The following EMSY variants were observed in gnomAD, a reference collection of about 807,000 sequenced individuals.
EMSY encodes BRCA2-interacting transcriptional repressor EMSY.
In EMSY, 26 loss-of-function variants were observed where a neutral mutation model predicts 134.6. That is an observed-to-expected ratio of 0.19 (90% CI 0.14 to 0.27). The LOEUF (loss-of-function observed/expected upper bound fraction) is 0.27, where lower values mean the gene tolerates loss of function less well. Ranked by LOEUF, EMSY falls within the 10% of genes least tolerant of loss-of-function variation. EMSY has a pLI of 1.00. For missense variants in EMSY, 1,305 were observed against 1,611.4 expected, an observed-to-expected ratio of 0.81 and a Z score of 3.26; for synonymous variants, 579 against 577.8, an observed-to-expected ratio of 1.00 and a Z score of -0.03.
intron 19 of EMSY, 62 bp downstream of exon 20, chr11:76,544,884 A>C: frequency 2.0e-6 from 3 of 1,514,780 alleles, no homozygotes; most frequent in Non-Finnish European, 2.7e-6. Flanking sequence ...AAAAATGAGA[A>C]CATCACGACC....
intron 8 of EMSY, among the ~76,000 whole-genome samples, chr11:76,494,033 TG>T (rs1411877300): frequency 6.6e-6 from 1 of 152,254 alleles, no homozygotes; most frequent in Non-Finnish European, 1.5e-5. Context: ...CTCGTTCAGA[TG>T]CGGATGCCCG....
intron 9 of EMSY, among the ~76,000 whole-genome samples, chr11:76,505,156 C>A (rs560389541): frequency 6.6e-6 from 1 of 152,242 alleles, no homozygotes; most frequent in South Asian, 2.1e-4. Flanking sequence ...TCATTGAATG[C>A]TTAGTCAATT....
At chr11:76,534,810 C>T (rs1951169105) in intron 14 of EMSY, among the ~76,000 whole-genome samples, 1 of 151,932 alleles carries the variant, frequency 6.6e-6, no homozygotes, top group African/African-American at 2.4e-5. Flanking sequence ...TTGATGTTTC[C>T]CCCATTATAA....
At chr11:76,453,378 A>G (rs777145197) in exon 4 of EMSY, 6 of 1,612,708 alleles carry the variant, frequency 3.7e-6, no homozygotes, top group East Asian at 4.5e-5. Context: ...GTTAACAACA[A>G]TTGCACATAA....
intron 7 of EMSY, among the ~76,000 whole-genome samples, chr11:76,464,480 T>C (rs570262806): frequency 3.9e-5 from 6 of 152,246 alleles, no homozygotes; most frequent in African/African-American, 1.4e-4. Flanking sequence ...AAAGGAAGGA[T>C]ATAATTAAGT....
In EMSY at chr11:76,481,677, T is replaced by C. The variant is rs372772943; in HGVS notation, c.1108+8837T>C. ...CCACTGCAGCTCATCAAAGCTGCTG[T>C]AGCCAGACTGCCTCTCTAGATTCCT... On this transcript the variant is annotated intron_variant, in intron 8 of 20. Coordinates refer to ENST00000334736, the Ensembl canonical transcript of EMSY. 3.9e-5 allele frequency among the ~76,000 whole-genome samples: 6 copies of C among 152,332 alleles called. No individual in the cohort carries two copies. The East Asian group carries it at 7.7e-4, about 20-fold the overall frequency.
chr11:76,546,304 A>C lies in EMSY; in HGVS notation c.3774+7A>C. On this transcript the variant is annotated splice_region_variant and intron_variant, in intron 20 of 20. Transcript: ENST00000334736. ...AGCAGAAATTATCATCCAGGTAAGA[A>C]TTGGAAGGAAAATGAGAAATCTTGT... The C allele has an allele frequency of 6.3e-7, 1 of 1,598,590 alleles. No homozygotes were observed. The highest frequency in any genetic ancestry group is 8.5e-7 in the Non-Finnish European group (1 of 1,172,858).
intron 14 of EMSY, among the ~76,000 whole-genome samples, chr11:76,530,589 A>G (rs1951005327): frequency 6.6e-6 from 1 of 152,216 alleles, no homozygotes; most frequent in Non-Finnish European, 1.5e-5. Flanking sequence ...GCACCAACCT[A>G]ATACATCTTT....
intron 15 of EMSY, 57 bp downstream of exon 16, chr11:76,536,116 C>T: frequency 8.7e-7 from 1 of 1,144,482 alleles, no homozygotes. Flanking sequence ...ACGGGTTGTG[C>T]TAAAATACTA....
At chr11:76,518,683 G>A (rs1206814732) in intron 11 of EMSY, among the ~76,000 whole-genome samples, 10 of 64,412 alleles carry the variant, frequency 1.6e-4, no homozygotes, top group African/African-American at 4.2e-4. Context: ...GTGTGTGCGC[G>A]CATATATATA....
At chr11:76,552,585 TAA>T (rs1951862136), downstream of EMSY, 1 of 152,214 alleles carries the variant, frequency 6.6e-6, no homozygotes, top group Admixed American at 6.5e-5. Flanking sequence ...TAAACTTTAA[TAA>T]GTGCCTAGTA....
intron 9 of EMSY, among the ~76,000 whole-genome samples, chr11:76,509,445 A>G (rs1950195657): frequency 6.6e-6 from 1 of 152,232 alleles, no homozygotes; most frequent in Admixed American, 6.5e-5. Context: ...GTGAACCAAG[A>G]TTGCACCACT....
At chr11:76,521,778 A>AC (rs1479760463) in intron 11 of EMSY, among the ~76,000 whole-genome samples, 1 of 151,740 alleles carries the variant, frequency 6.6e-6, no homozygotes, top group African/African-American at 2.4e-5. Context: ...AAAAAAAAAA[A>AC]AAAAAGTCCA....
exon 7 of EMSY, chr11:76,463,852 C>T: frequency 4.3e-6 from 7 of 1,614,140 alleles, no homozygotes; most frequent in Middle Eastern, 1.6e-4. Context: ...ATGAAAAACC[C>T]AGAAAACGAA....
intron 11 of EMSY, 72 bp from the exon 13 acceptor site, chr11:76,523,083 A>G (rs986424090): frequency 1.5e-5 from 21 of 1,438,732 alleles, no homozygotes; most frequent in Non-Finnish European, 1.9e-5. Context: ...CTAATTGTGT[A>G]TAATATAAAC....
exon 18 of EMSY, chr11:76,542,303 C>G (rs760959297): frequency 6.2e-7 from 1 of 1,614,184 alleles, no homozygotes; most frequent in South Asian, 1.1e-5. Flanking sequence ...GCAACACAGA[C>G]TTCGGTGGTG....
At chr11:76,481,112 C>T (rs760392855) in intron 8 of EMSY, among the ~76,000 whole-genome samples, 4 of 152,248 alleles carry the variant, frequency 2.6e-5, no homozygotes, top group South Asian at 4.1e-4. Context: ...GGCGCTATCT[C>T]GGCTCACTGC....
chr11:76,536,046 C>A, exon 15 of EMSY: 1 of 1,560,164 alleles, frequency 6.4e-7, no homozygotes, highest in Non-Finnish European at 8.7e-7. Context: ...TGTTAGAACT[C>A]CAACAGACAA....
chr11:76,460,394 G>T, intron 6 of EMSY: 1 of 215,454 alleles, frequency 4.6e-6, no homozygotes. Context: ...GAAACTGAAG[G>T]AATGTGCTTA....
Sources: allele counts gnomAD v4.1 joint callset (sites outside exome capture counted in the v4.1 genomes callset), GRCh38; gene constraint gnomAD v4.1.1; transcripts MANE v1.5; gene names NCBI Gene and HGNC (gene_info 2026-07-23, HGNC 2026-07-21).